The following ZNF415 variants were observed in gnomAD, a reference collection of about 807,000 sequenced individuals.
ZNF415 encodes zinc finger protein 415.
Under a neutral mutation model 7.3 loss-of-function variants are expected in ZNF415, and 5 were observed. That is an observed-to-expected ratio of 0.69 (90% confidence interval 0.36 to 1.44). ZNF415 has a LOEUF of 1.44. Ranked by LOEUF, ZNF415 falls within the 40% of genes most tolerant of loss-of-function variation. The pLI, the probability that ZNF415 is intolerant of heterozygous loss-of-function variation, is 0.04. For missense variants in ZNF415, 628 were observed against 664.8 expected (o/e 0.94, Z 0.61); for synonymous variants, 207 against 226.3 (o/e 0.91, Z 0.77).
At chr19:53,116,539 G>T in intron 2 of ZNF415, 106 bp from the exon 3 acceptor site, 2 of 1,441,626 alleles carry the variant, frequency 1.4e-6, no homozygotes, top group Non-Finnish European at 1.9e-6. Flanking sequence ...TTTAATTGAA[G>T]TGTGTGTTCT....
intron 1 of ZNF415, among the ~76,000 whole-genome samples, chr19:53,130,240 G>C (rs537475166): frequency 1.6e-4 from 25 of 152,046 alleles, no homozygotes; most frequent in Non-Finnish European, 2.8e-4. Context: ...AGTTAAACTA[G>C]GTTTCCATGT....
intron 3 of ZNF415, among the ~76,000 whole-genome samples, chr19:53,112,764 G>T (rs2086421685): frequency 6.6e-6 from 1 of 152,214 alleles, no homozygotes; most frequent in Non-Finnish European, 1.5e-5. Flanking sequence ...GCACATGTGT[G>T]GGATATAATT....
At chr19:53,110,769 G>A (rs2086108829) in intron 3 of ZNF415, among the ~76,000 whole-genome samples, 1 of 152,204 alleles carries the variant, frequency 6.6e-6, no homozygotes, top group African/African-American at 2.4e-5. Flanking sequence ...GACATTTGAT[G>A]CATGAGGTCA....
chr19:53,122,672 G>A lies in ZNF415; in HGVS notation c.5C>T (p.Ala2Val), dbSNP rs756343551. 4.3e-6 allele frequency: 7 copies of A among 1,614,008 alleles called. No homozygotes were observed. The African/African-American group carries it at 5.3e-5, about 12-fold the overall frequency. M[A>V]FTQLTFRDVA... Reference sequence around the variant, plus strand: ...AGAATCTTTCTTTACCTGAGTAAAAGCCATTCCTGACTCCTTTGCTCTCCT... The same window carrying A: ...AGAATCTTTCTTTACCTGAGTAAAAACCATTCCTGACTCCTTTGCTCTCCT... Residue 2 changes from alanine (A) to valine (V), a missense_variant, in exon 2 of 4, where the codon GCT (alanine) becomes GTT (valine). Coordinates refer to ENST00000243643, the MANE Select transcript of ZNF415 (RefSeq NM_018355.4).
At chr19:53,119,545 A>G (rs2087652776) in intron 2 of ZNF415, among the ~76,000 whole-genome samples, 1 of 151,664 alleles carries the variant, frequency 6.6e-6, no homozygotes, top group Non-Finnish European at 1.5e-5. Flanking sequence ...AATTAGTAGA[A>G]AGAAAAAAAT....
intron 3 of ZNF415, 76 bp downstream of exon 3, chr19:53,116,237 C>T (rs952037035): frequency 1.3e-6 from 2 of 1,508,646 alleles, no homozygotes; most frequent in East Asian, 2.3e-5. Flanking sequence ...AATGCAGGGG[C>T]TCCCAAGAGG....
rs777462660 is a variant in ZNF415 at position 53,122,564 on chromosome 19, A to AT, written c.15+97dup. On this transcript the variant is annotated intron_variant, in intron 2 of 3. Transcript: ENST00000243643. ...AATGTGAGCAAACGCGTCAGGCAGG[A>AT]TGCTTCAGACTCAGAGAAGATTTGC... The AT allele has an allele frequency of 2.6e-4, 421 of 1,605,442 alleles. 4 individuals are homozygous for AT. Among genetic ancestry groups the AT allele is most frequent in the Admixed American group, 8.4e-5 (5 of 59,714 alleles).
Position 53,117,441 on chromosome 19 carries a change from C to CAAAAA in ZNF415, c.16-1013_16-1009dup, listed in dbSNP as rs58567730. ...GGGCAACAAGGGCGAAATTCCGTCT[C>CAAAAA]AAAAAAAAAAAAGAAAGAAAGAGAA... On this transcript the variant is annotated intron_variant, in intron 2 of 3. Coordinates refer to ENST00000243643, the MANE Select transcript of ZNF415 (RefSeq NM_018355.4). Among the ~76,000 whole-genome samples the CAAAAA allele has an allele frequency of 4.9e-4, 60 of 123,512 alleles. 1 individual carries two copies. Among genetic ancestry groups the CAAAAA allele is most frequent in the African/African-American group, 1.6e-3 (54 of 33,850 alleles). 81.0% of individuals were successfully genotyped at this position (123,512 alleles called of 152,430 possible).
chr19:53,125,364 T>C (rs1216484640), intron 1 of ZNF415, among the ~76,000 whole-genome samples: 1 of 149,984 alleles, frequency 6.7e-6, no homozygotes, highest in East Asian at 2.0e-4. Flanking sequence ...TTAAACAGGA[T>C]CTTGCTGTTG....
intron 3 of ZNF415, 98 bp from the exon 4 acceptor site, chr19:53,110,006 T>A: frequency 2.1e-6 from 2 of 943,658 alleles, no homozygotes; most frequent in Non-Finnish European, 3.0e-6. Flanking sequence ...AACATTTATA[T>A]ACAACAGAGT....
At chr19:53,122,472 A>G in intron 2 of ZNF415, 190 bp downstream of exon 2, 1 of 1,552,334 alleles carries the variant, frequency 6.4e-7, no homozygotes, top group South Asian at 1.2e-5. Flanking sequence ...TCAGAAGTTC[A>G]TGTCACAGGG....
At chr19:53,119,444 C>CAA (rs34688086) in intron 2 of ZNF415, among the ~76,000 whole-genome samples, 1,733 of 35,002 alleles carry the variant, frequency 0.05, 372 homozygotes, top group Non-Finnish European at 0.061. Context: ...GACTCCATCT[C>CAA]AAAAAAAAAA....
chr19:53,114,341 T>A (rs2086682350), intron 3 of ZNF415, among the ~76,000 whole-genome samples: 1 of 152,136 alleles, frequency 6.6e-6, no homozygotes, highest in African/African-American at 2.4e-5. Context: ...CACACCTGGC[T>A]AACTTTTGTA....
At chr19:53,127,802 A>G (rs1180551704) in intron 1 of ZNF415, among the ~76,000 whole-genome samples, 1 of 150,660 alleles carries the variant, frequency 6.6e-6, no homozygotes, top group Non-Finnish European at 1.5e-5. Flanking sequence ...GCTTGAACCT[A>G]GGAGGTGGAG....
At chr19:53,132,495 A>G (rs1397813451) in intron 1 of ZNF415, among the ~76,000 whole-genome samples, 2 of 152,116 alleles carry the variant, frequency 1.3e-5, no homozygotes, top group Admixed American at 6.5e-5. Flanking sequence ...CAGAGGACGC[A>G]AGGCTCCCCG....
chr19:53,112,223 C>A (rs913970434), intron 3 of ZNF415, among the ~76,000 whole-genome samples: 1 of 152,190 alleles, frequency 6.6e-6, no homozygotes, highest in Non-Finnish European at 1.5e-5. Flanking sequence ...GGATTACAGG[C>A]GTGAGCAACC....
At chr19:53,128,673 G>C (rs535206144) in intron 1 of ZNF415, among the ~76,000 whole-genome samples, 1 of 116,150 alleles carries the variant, frequency 8.6e-6, no homozygotes, top group African/African-American at 3.0e-5. Context: ...AGGACACAGG[G>C]TCTGCGGGGC....
Position 53,108,386 on chromosome 19 carries a change from T to G in ZNF415, c.1659A>C (p.Lys553Asn). 6.2e-7 allele frequency: 1 copy of G among 1,600,240 alleles called. No homozygotes were observed. The highest frequency in any genetic ancestry group is 8.5e-7 in the Non-Finnish European group (1 of 1,173,954). The change falls in exon 4 of 4, where the codon AAA (lysine) becomes AAC (asparagine). Residue 553 changes from lysine to asparagine, a missense_variant. Transcript: ENST00000243643. ...QIIHTKEKPY[K>N]RN ...TGAAGACCTTGCCATATTAATTTCT[T>G]TTATAAGGTTTCTCCTTAGTATGGA...
intron 2 of ZNF415, among the ~76,000 whole-genome samples, chr19:53,121,295 G>A (rs1424805534): frequency 6.7e-6 from 1 of 148,382 alleles, no homozygotes; most frequent in Non-Finnish European, 1.5e-5. Flanking sequence ...TGAGGCAGAG[G>A]AATCACTTGA....
Sources: gnomAD v4.1 joint callset for allele counts (sites outside exome capture counted in the v4.1 genomes callset) on GRCh38, gnomAD v4.1.1 for gene constraint, MANE v1.5 for transcripts, NCBI Gene and HGNC (gene_info 2026-07-23, HGNC 2026-07-21) for gene names.